B3GALT1: variants seen among roughly 807,000 people sequenced by gnomAD.
B3GALT1 encodes UDP-Gal:betaGlcNAc beta 1,3-galactosyltransferase, polypeptide 1.
B3GALT1 carries 10 observed loss-of-function variants against 23.2 expected under a neutral mutation model. The observed-to-expected ratio is 0.43, with a 90% CI of 0.27 to 0.73. The LOEUF (loss-of-function observed/expected upper bound fraction) is 0.73. B3GALT1 is among the 30% of genes least tolerant of loss of function. The pLI, the probability that B3GALT1 is intolerant of heterozygous loss-of-function variation, is 0.21. For missense variants in B3GALT1, 299 were observed against 405.4 expected, an observed-to-expected ratio of 0.74 and a Z score of 2.25; for synonymous variants, 156 against 141.5, an observed-to-expected ratio of 1.10 and a Z score of -0.73.
At position 167,554,499 on chromosome 2, in the gene B3GALT1, A is replaced by G. The variant is rs142581474; in HGVS notation, c.-410+64222A>G. 6.2e-4 allele frequency among the ~76,000 whole-genome samples: 95 copies of G among 152,322 alleles called. 1 individual carries two copies. The East Asian group carries it at 0.016, about 26-fold the overall frequency. On this transcript the variant is annotated intron_variant, in intron 2 of 4. Transcript: ENST00000392690. ...AAAACCAGCATTATTTTAGAAACCA[A>G]TGTTATGCAGATAATCTGCCTGTTA...
chr2:167,810,495 G>A (rs762239199), intron 3 of B3GALT1, among the ~76,000 whole-genome samples: 8 of 150,984 alleles, frequency 5.3e-5, no homozygotes, highest in Non-Finnish European at 1.0e-4. Context: ...AAAGAAGAAG[G>A]AACAGATTGA....
chr2:167,306,877 T>TA lies in B3GALT1; in HGVS notation c.-511+13545dup, dbSNP rs1458025430. 4.6e-5 allele frequency among the ~76,000 whole-genome samples: 7 copies of TA among 152,018 alleles called. No individual in the cohort carries two copies. In the East Asian group the frequency reaches 1.2e-3, roughly 25 times the overall value. On this transcript the variant is annotated intron_variant, in intron 1 of 4. Transcript: ENST00000392690. The stretch of plus-strand genomic sequence containing the variant: ...TGGTCTTTCTCTTTCTTAAACCCAC[T>TA]AAGCCTCATGGTTACTATTTAAACA...
intron 4 of B3GALT1, among the ~76,000 whole-genome samples, chr2:167,856,149 A>G (rs1023749962): frequency 1.3e-5 from 2 of 152,164 alleles, no homozygotes; most frequent in Non-Finnish European, 2.9e-5. Flanking sequence ...TTTTGTTGTC[A>G]TTAGCAAAAC....
chr2:167,844,514 T>C lies in B3GALT1; in HGVS notation c.-229-24297T>C, dbSNP rs150948015. On this transcript the variant is annotated intron_variant, in intron 4 of 4. Coordinates refer to ENST00000392690, the MANE Select transcript of B3GALT1 (RefSeq NM_020981.4). ...CTAAAGGTCTGTTTGCAGGAGAAGCTTCAGACCTTACCTGGAGCAGAGTCA... is the reference window on the plus strand; with the variant it reads ...CTAAAGGTCTGTTTGCAGGAGAAGCCTCAGACCTTACCTGGAGCAGAGTCA... Among the ~76,000 whole-genome samples the C allele has an allele frequency of 7.4e-3, 1,129 of 152,248 alleles. 15 individuals carry two copies. The highest frequency in any genetic ancestry group is 0.026 in the African/African-American group (1,065 of 41,550).
intron 3 of B3GALT1, among the ~76,000 whole-genome samples, chr2:167,694,192 T>C (rs894213273): frequency 6.6e-6 from 1 of 152,110 alleles, no homozygotes; most frequent in Non-Finnish European, 1.5e-5. Context: ...AATGTATAAA[T>C]TCTGTAGGGA....
intron 1 of B3GALT1, among the ~76,000 whole-genome samples, chr2:167,340,312 A>AG (rs1329805183): frequency 2.7e-4 from 35 of 129,942 alleles, no homozygotes; most frequent in Admixed American, 4.6e-4. Flanking sequence ...TGGTACAGGG[A>AG]GAAAAAAAAA....
intron 3 of B3GALT1, chr2:167,714,981 C>T: frequency 2.5e-6 from 4 of 1,611,532 alleles, no homozygotes; most frequent in Non-Finnish European, 3.4e-6. Flanking sequence ...TGCAAAGATG[C>T]TTGTTGAGTC....
At chr2:167,546,837 G>A (rs1176558455) in intron 2 of B3GALT1, among the ~76,000 whole-genome samples, 1 of 152,162 alleles carries the variant, frequency 6.6e-6, no homozygotes, top group African/African-American at 2.4e-5. Context: ...ACCTAAAGGA[G>A]TATGAAGCAT....
chr2:167,840,521 AAAC>A (rs1449646442), intron 4 of B3GALT1, among the ~76,000 whole-genome samples: 2 of 148,644 alleles, frequency 1.3e-5, no homozygotes, highest in African/African-American at 4.9e-5. Context: ...AAAAGTCAGG[AAAC>A]AACAGGTGCT....
At chr2:167,586,233 A>G (rs756696296) in intron 2 of B3GALT1, among the ~76,000 whole-genome samples, 74 of 152,352 alleles carry the variant, frequency 4.9e-4, no homozygotes, top group Middle Eastern at 3.4e-3. Flanking sequence ...AAATCCAGGA[A>G]GCAGCAATGT....
At chr2:167,333,977 CATT>C (rs1358367213) in intron 1 of B3GALT1, among the ~76,000 whole-genome samples, 1 of 151,658 alleles carries the variant, frequency 6.6e-6, no homozygotes, top group Non-Finnish European at 1.5e-5. Context: ...CTTTTTGTGT[CATT>C]ATTTTTTTAC....
intron 1 of B3GALT1, among the ~76,000 whole-genome samples, chr2:167,365,986 A>T (rs948175047): frequency 2.6e-5 from 4 of 152,332 alleles, no homozygotes; most frequent in African/African-American, 9.6e-5. Context: ...CTTTTTGTCT[A>T]ACATTTTGGA....
intron 3 of B3GALT1, among the ~76,000 whole-genome samples, chr2:167,701,603 A>G (rs1686883068): frequency 1.3e-5 from 2 of 152,270 alleles, no homozygotes; most frequent in South Asian, 2.1e-4. Flanking sequence ...TAAATTGACA[A>G]AAGTTTTAAG....
chr2:167,849,634 T>C (rs1196886180), intron 4 of B3GALT1, among the ~76,000 whole-genome samples: 2 of 152,076 alleles, frequency 1.3e-5, no homozygotes, highest in Non-Finnish European at 2.9e-5. Context: ...AAGCCTGTAA[T>C]CCCAGCACTT....
chr2:167,408,368 CA>C (rs1385801892), intron 1 of B3GALT1, among the ~76,000 whole-genome samples: 4 of 152,046 alleles, frequency 2.6e-5, no homozygotes. Flanking sequence ...GAACATACCT[CA>C]AAATAATAAG....
intron 4 of B3GALT1, among the ~76,000 whole-genome samples, chr2:167,828,762 T>C (rs1433851495): frequency 6.6e-6 from 1 of 152,188 alleles, no homozygotes; most frequent in Non-Finnish European, 1.5e-5. Flanking sequence ...CAACCAACCC[T>C]GTGTGGTTTG....
intron 3 of B3GALT1, among the ~76,000 whole-genome samples, chr2:167,812,362 G>A (rs947650364): frequency 6.6e-6 from 1 of 152,194 alleles, no homozygotes; most frequent in African/African-American, 2.4e-5. Flanking sequence ...CATTTTTAAA[G>A]GCAGAGACCT....
chr2:167,432,874 A>G (rs1698726127), intron 1 of B3GALT1, among the ~76,000 whole-genome samples: 1 of 152,208 alleles, frequency 6.6e-6, no homozygotes, highest in African/African-American at 2.4e-5. Flanking sequence ...CCCATTATCA[A>G]CATCTTGCAG....
At chr2:167,653,329 A>G (rs537950317) in intron 3 of B3GALT1, among the ~76,000 whole-genome samples, 2 of 152,270 alleles carry the variant, frequency 1.3e-5, no homozygotes, top group South Asian at 4.1e-4. Flanking sequence ...CCTAATGATT[A>G]TTGCTAATTT....
Sources: allele counts gnomAD v4.1 joint callset (sites outside exome capture counted in the v4.1 genomes callset), GRCh38; gene constraint gnomAD v4.1.1; transcripts MANE v1.5; gene names NCBI Gene and HGNC (gene_info 2026-07-23, HGNC 2026-07-21).